TCF4: variants seen among roughly 807,000 people sequenced by gnomAD.
TCF4 encodes transcription factor 4.
In TCF4, 3 loss-of-function variants were observed where a neutral mutation model predicts 82.1. The observed-to-expected ratio is 0.04, with a 90% CI of 0.02 to 0.09. TCF4 has a LOEUF of 0.09. Ranked by LOEUF, TCF4 falls within the 10% of genes least tolerant of loss-of-function variation. TCF4 has a pLI of 1.00. For missense variants in TCF4, 518 were observed against 852.7 expected (o/e 0.61, Z 4.89); for synonymous variants, 276 against 309.6 (o/e 0.89, Z 1.14).
At chr18:55,505,556 G>A (rs540204095) in intron 3 of TCF4, among the ~76,000 whole-genome samples, 56 of 152,052 alleles carry the variant, frequency 3.7e-4, no homozygotes, top group African/African-American at 1.3e-3. Flanking sequence ...TGTAATCCCA[G>A]CACTTTGGAA....
At chr18:55,298,687 CAT>C (rs1280046733) in intron 8 of TCF4, among the ~76,000 whole-genome samples, 1 of 152,200 alleles carries the variant, frequency 6.6e-6, no homozygotes, top group Non-Finnish European at 1.5e-5. Flanking sequence ...ACTACTAAAA[CAT>C]GTGACTAGAG....
intron 3 of TCF4, among the ~76,000 whole-genome samples, chr18:55,524,569 G>T (rs150391966): frequency 6.6e-6 from 1 of 151,900 alleles, no homozygotes; most frequent in African/African-American, 2.4e-5. Context: ...TTAAGTTATT[G>T]ATTAAGTAAA....
At chr18:55,607,728 A>T (rs1398673280) in intron 2 of TCF4, among the ~76,000 whole-genome samples, 1 of 152,218 alleles carries the variant, frequency 6.6e-6, no homozygotes, top group African/African-American at 2.4e-5. Context: ...TGCGGATCCA[A>T]ATGCTATCAT....
intron 2 of TCF4, among the ~76,000 whole-genome samples, chr18:55,594,363 G>T (rs1199736836): frequency 6.6e-6 from 1 of 152,188 alleles, no homozygotes; most frequent in African/African-American, 2.4e-5. Flanking sequence ...ACATTGACCA[G>T]CTCCCTCATC....
chr18:55,422,283 T>C (rs2094800940), intron 5 of TCF4: 9 of 985,258 alleles, frequency 9.1e-6, no homozygotes, highest in Non-Finnish European at 1.1e-5. Flanking sequence ...GAATAAACTG[T>C]TGTGGCGTGA....
intron 5 of TCF4, among the ~76,000 whole-genome samples, chr18:55,422,913 G>T (rs1166194343): frequency 1.3e-5 from 2 of 151,936 alleles, no homozygotes; most frequent in African/African-American, 2.4e-5. Context: ...CAGAATGCCA[G>T]GAGCCGATCA....
intron 2 of TCF4, among the ~76,000 whole-genome samples, chr18:55,615,066 T>A (rs1238658128): frequency 6.6e-6 from 1 of 152,160 alleles, no homozygotes; most frequent in African/African-American, 2.4e-5. Flanking sequence ...TGCATTGTGG[T>A]AAATACCTCA....
At chr18:55,309,414 G>C (rs1212821652) in intron 8 of TCF4, among the ~76,000 whole-genome samples, 9 of 152,108 alleles carry the variant, frequency 5.9e-5, no homozygotes, top group African/African-American at 2.2e-4. Flanking sequence ...AAGCCACTGT[G>C]CCTGGCCTTC....
intron 5 of TCF4, 117 bp downstream of exon 5, chr18:55,460,902 G>A (rs1363714234): frequency 9.4e-6 from 8 of 850,166 alleles, no homozygotes; most frequent in East Asian, 2.7e-5. Context: ...TATTACAAGT[G>A]AACTGACTAA....
intron 3 of TCF4, among the ~76,000 whole-genome samples, chr18:55,507,300 T>C (rs1461083812): frequency 6.6e-6 from 1 of 152,204 alleles, no homozygotes; most frequent in Non-Finnish European, 1.5e-5. Context: ...GACTAGAACC[T>C]GAGCACTGCC....
At chr18:55,598,559 A>G (rs1455582069) in intron 2 of TCF4, among the ~76,000 whole-genome samples, 1 of 152,200 alleles carries the variant, frequency 6.6e-6, no homozygotes, top group Admixed American at 6.5e-5. Flanking sequence ...TGGAGGCAAC[A>G]TGGAGGATGA....
intron 2 of TCF4, among the ~76,000 whole-genome samples, chr18:55,618,964 CT>C (rs113918313): frequency 3.3e-5 from 5 of 150,990 alleles, no homozygotes; most frequent in African/African-American, 4.9e-5. Flanking sequence ...TTAGTTTGTT[CT>C]TTTTTTTTCT....
At position 55,262,977 on chromosome 18, in the gene TCF4, C is replaced by T. The variant is rs1003106490; in HGVS notation, c.923-1444G>A. ...ACACGCCACCACGCCAAGTAATTTT[C>T]GTATTTTTAGTAGAGACAGGGTTTC... On this transcript the variant is annotated intron_variant, in intron 11 of 19. Transcript: ENST00000354452. 3.9e-5 allele frequency among the ~76,000 whole-genome samples: 6 copies of T among 151,938 alleles called. 1 individual carries two copies. The highest frequency in any genetic ancestry group is 6.6e-5 in the Admixed American group (1 of 15,246).
At chr18:55,357,789 C>T (rs2083960452) in intron 6 of TCF4, among the ~76,000 whole-genome samples, 1 of 152,132 alleles carries the variant, frequency 6.6e-6, no homozygotes, top group Admixed American at 6.5e-5. Context: ...GTGGCCTACC[C>T]AGCACCCCAC....
intron 5 of TCF4, among the ~76,000 whole-genome samples, chr18:55,429,777 A>AAAAAC (rs1556333020): frequency 6.6e-6 from 1 of 150,984 alleles, no homozygotes; most frequent in Non-Finnish European, 1.5e-5. Context: ...AAAAAAAAAA[A>AAAAAC]AAAAAAAAAA....
At chr18:55,546,813 C>T (rs1481882526) in intron 3 of TCF4, 1 of 152,226 alleles carries the variant, frequency 6.6e-6, no homozygotes, top group Non-Finnish European at 1.5e-5. Context: ...TTTACGTTAA[C>T]AGACTTACTT....
chr18:55,259,807 C>G (rs1186843412), intron 13 of TCF4, 142 bp downstream of exon 13: 13 of 722,836 alleles, frequency 1.8e-5, no homozygotes, highest in Non-Finnish European at 2.7e-5. Flanking sequence ...TCTCTCCCAC[C>G]CTTTGTATTT....
chr18:55,434,800 T>TG (rs1556349282), intron 5 of TCF4, among the ~76,000 whole-genome samples: 1 of 40,570 alleles, frequency 2.5e-5, no homozygotes, highest in African/African-American at 6.4e-5. Context: ...GTGTGTGTAT[T>TG]TTAATTTTTG....
At chr18:55,247,586 A>C (rs2053671286) in intron 15 of TCF4, among the ~76,000 whole-genome samples, 1 of 152,216 alleles carries the variant, frequency 6.6e-6, no homozygotes, top group Non-Finnish European at 1.5e-5. Flanking sequence ...GATCCACCCT[A>C]GTCCACTTGA....
Sources: allele counts gnomAD v4.1 joint callset (sites outside exome capture counted in the v4.1 genomes callset), GRCh38; gene constraint gnomAD v4.1.1; transcripts MANE v1.5; gene names NCBI Gene and HGNC (gene_info 2026-07-23, HGNC 2026-07-21).